The following SAMD5 variants were observed in gnomAD, a reference collection of about 807,000 sequenced individuals.
The protein encoded by SAMD5 is sterile alpha motif domain containing 5.
In SAMD5, 13 loss-of-function variants were observed where a neutral mutation model predicts 11.3. The observed-to-expected ratio is 1.15, with a 90% CI of 0.75 to 1.83. The LOEUF is 1.83. SAMD5 is among the 40% of genes most tolerant of loss of function. SAMD5 has a pLI of 0.00. For missense variants in SAMD5, 255 were observed against 239.1 expected (o/e 1.07, Z -0.44); for synonymous variants, 129 against 111.3 (o/e 1.16, Z -1.00).
rs549799469 is a variant in SAMD5, at chr6:147,714,339, G to C, written c.163-22978G>C. On this transcript the variant is annotated intron_variant, in intron 1 of 1. Transcript: ENST00000566741. ...TAAGTCTATGGTCTGGCAGAAATTG[G>C]AAGAAAATCATGCACTCTGTGGGAA... Among the ~76,000 whole-genome samples, 6 of 152,292 alleles carry C rather than the reference G, an allele frequency of 3.9e-5. No individual in the cohort carries two copies. In the East Asian group the frequency reaches 9.6e-4, roughly 24 times the overall value.
the SAMD5 span, among the ~76,000 whole-genome samples, chr6:147,899,189 A>AGAAAAAAAAAAAG: frequency 8.1e-6 from 1 of 123,458 alleles, no homozygotes; most frequent in African/African-American, 3.8e-5. Context: ...AAAAAAAAAA[A>AGAAAAAAAAAAAG]AAAAGATAAC....
the SAMD5 span, among the ~76,000 whole-genome samples, chr6:147,871,287 T>C: frequency 7.9e-5 from 12 of 152,272 alleles, no homozygotes; most frequent in African/African-American, 2.9e-4. Context: ...TAGAGTTACA[T>C]ATGACAAATT....
intron 1 of SAMD5, among the ~76,000 whole-genome samples, chr6:147,637,859 GGT>G (rs1491367791): frequency 4.2e-5 from 5 of 120,188 alleles, no homozygotes; most frequent in African/African-American, 1.9e-4. Flanking sequence ...AAGCAAGTTC[GGT>G]TTTTTTTTTT....
intron 1 of SAMD5, among the ~76,000 whole-genome samples, chr6:147,697,047 T>G (rs1791185686): frequency 6.6e-6 from 1 of 152,194 alleles, no homozygotes; most frequent in South Asian, 2.1e-4. Context: ...TGTGCAGATG[T>G]GTCCTCATGT....
chr6:147,819,142 C>A, the SAMD5 span, among the ~76,000 whole-genome samples: 1 of 152,302 alleles, frequency 6.6e-6, no homozygotes, highest in South Asian at 2.1e-4. Flanking sequence ...GGATACTATG[C>A]AGCCTTAAAA....
the SAMD5 span, among the ~76,000 whole-genome samples, chr6:147,924,319 A>G: frequency 6.6e-6 from 1 of 152,078 alleles, no homozygotes; most frequent in Non-Finnish European, 1.5e-5. Flanking sequence ...AGAATCTACA[A>G]TGTAACTGAA....
chr6:147,951,722 TTTGA>T, the SAMD5 span, among the ~76,000 whole-genome samples: 1 of 152,118 alleles, frequency 6.6e-6, no homozygotes, highest in Non-Finnish European at 1.5e-5. Flanking sequence ...TTAAGGGGAA[TTTGA>T]TTGATTGGCC....
the SAMD5 span, among the ~76,000 whole-genome samples, chr6:147,802,690 T>C: frequency 2.6e-5 from 4 of 151,602 alleles, no homozygotes; most frequent in African/African-American, 9.6e-5. Context: ...CATTGCAGTA[T>C]AGTCATATAA....
the SAMD5 span, among the ~76,000 whole-genome samples, chr6:147,874,794 A>G: frequency 6.6e-6 from 1 of 151,912 alleles, no homozygotes; most frequent in Non-Finnish European, 1.5e-5. Context: ...AAATTTGATA[A>G]TCAGCATTGG....
chr6:147,723,751 G>A (rs1449649944), intron 1 of SAMD5, among the ~76,000 whole-genome samples: 1 of 152,180 alleles, frequency 6.6e-6, no homozygotes, highest in Non-Finnish European at 1.5e-5. Flanking sequence ...AACAGTTTAT[G>A]TAGCCCATCT....
the SAMD5 span, among the ~76,000 whole-genome samples, chr6:147,807,316 G>T: frequency 6.6e-6 from 1 of 152,020 alleles, no homozygotes; most frequent in Non-Finnish European, 1.5e-5. Flanking sequence ...TGTTAGCCAG[G>T]ATGGTCTCGA....
intron 1 of SAMD5, among the ~76,000 whole-genome samples, chr6:147,646,247 A>G (rs766128313): frequency 5.9e-5 from 9 of 152,222 alleles, no homozygotes; most frequent in Non-Finnish European, 1.2e-4. Context: ...CAATTCATAG[A>G]CCAGCGTGGT....
the SAMD5 span, among the ~76,000 whole-genome samples, chr6:147,914,094 C>G: frequency 3.8e-4 from 57 of 151,770 alleles, no homozygotes; most frequent in South Asian, 2.3e-3. Context: ...CCCAGGATGG[C>G]TTAGAATGAG....
chr6:147,729,227 G>A (rs374933146), intron 1 of SAMD5, among the ~76,000 whole-genome samples: 2 of 152,160 alleles, frequency 1.3e-5, no homozygotes, highest in African/African-American at 2.4e-5. Context: ...CTCACTTAGC[G>A]TTAATTACCT....
chr6:147,766,657 A>C, the SAMD5 span, among the ~76,000 whole-genome samples: 5 of 152,228 alleles, frequency 3.3e-5, no homozygotes, highest in Non-Finnish European at 5.9e-5. Flanking sequence ...GAAAGTTATT[A>C]AAGAATAGAC....
the SAMD5 span, among the ~76,000 whole-genome samples, chr6:147,941,199 T>G: frequency 6.6e-6 from 1 of 152,230 alleles, no homozygotes. Flanking sequence ...CTGTGTTTAG[T>G]GTGTTCTCTA....
chr6:147,896,403 A>G, the SAMD5 span, among the ~76,000 whole-genome samples: 1 of 152,038 alleles, frequency 6.6e-6, no homozygotes, highest in Non-Finnish European at 1.5e-5. Context: ...AGACAGGACA[A>G]TTCATTCTGC....
At chr6:147,952,309 T>C in the SAMD5 span, among the ~76,000 whole-genome samples, 1 of 152,140 alleles carries the variant, frequency 6.6e-6, no homozygotes, top group East Asian at 1.9e-4. Context: ...TTACCAACCT[T>C]CCCCCAAAAT....
At chr6:147,734,848 T>C (rs919232918) in intron 1 of SAMD5, among the ~76,000 whole-genome samples, 2 of 148,796 alleles carry the variant, frequency 1.3e-5, no homozygotes, top group Non-Finnish European at 3.0e-5. Flanking sequence ...GCAAGTGAAC[T>C]AATGGTATTT....
Sources: allele counts gnomAD v4.1 joint callset (sites outside exome capture counted in the v4.1 genomes callset), GRCh38; gene constraint gnomAD v4.1.1; transcripts MANE v1.5; gene names NCBI Gene and HGNC (gene_info 2026-07-23, HGNC 2026-07-21).